Variants in CD44 observed in about 807,000 individuals in gnomAD.
The protein encoded by CD44 is CD44 molecule (IN blood group), also known as CD44 antigen.
In CD44, 49 loss-of-function variants were observed where a neutral mutation model predicts 88.8. The ratio of observed to expected loss-of-function variants is 0.55; its 90% CI spans 0.44 to 0.70. CD44 has a LOEUF of 0.70. Ranked by LOEUF, CD44 falls within the 30% of genes least tolerant of loss-of-function variation. The pLI, the probability that CD44 is intolerant of heterozygous loss-of-function variation, is 0.00. For missense variants in CD44, 883 were observed against 913.8 expected, an observed-to-expected ratio of 0.97 and a Z score of 0.43; for synonymous variants, 325 against 312.3, an observed-to-expected ratio of 1.04 and a Z score of -0.43.
intron 17 of CD44, among the ~76,000 whole-genome samples, chr11:35,226,277 C>A (rs1949683562): frequency 6.6e-6 from 1 of 152,210 alleles, no homozygotes; most frequent in East Asian, 1.9e-4. Context: ...CCCACCCACT[C>A]CCATGCACAG....
rs534519584 is a variant in CD44, at chr11:35,190,817, G to A, written c.667+752G>A. Among the ~76,000 whole-genome samples the A allele has an allele frequency of 2.0e-5, 3 of 152,286 alleles. No individual in the cohort carries two copies. In the East Asian group the frequency reaches 5.8e-4, roughly 29 times the overall value. On this transcript the variant is annotated intron_variant, in intron 5 of 17. Transcript: ENST00000428726. ...AAGAGCTCTATAATCCAGCCTGTTG[G>A]GGAATGTTCTCAATACTTACTTGGT... is the stretch of plus-strand genomic sequence containing the variant.
chr11:35,189,845 C>T lies in CD44; in HGVS notation c.447C>T (p.Asn149=). The stretch of plus-strand genomic sequence containing the variant: ...TTTTCTCTCTCCCAGCTATTGTTAA[C>T]CGTGATGGCACCCGCTATGTCCAGA... ...FDGPITITIV[N]RDGTRYVQKG... Residue 149 remains asparagine (N), a synonymous_variant, in exon 5 of 18, where the codon AAC becomes AAT. Transcript: ENST00000428726. 6.2e-7 allele frequency: 1 copy of T among 1,612,728 alleles called. No individual in the cohort carries two copies. The highest frequency in any genetic ancestry group is 8.5e-7 in the Non-Finnish European group (1 of 1,178,988).
intron 3 of CD44, among the ~76,000 whole-genome samples, chr11:35,183,124 A>C (rs557410182): frequency 1.6e-4 from 24 of 152,330 alleles, no homozygotes; most frequent in African/African-American, 5.8e-4. Flanking sequence ...GAATTAAATA[A>C]TAAAGCTAGA....
intron 1 of CD44, among the ~76,000 whole-genome samples, chr11:35,169,413 AACACACACACAC>A (rs5791036): frequency 1.1e-4 from 16 of 149,082 alleles, no homozygotes; most frequent in Admixed American, 2.7e-4. Context: ...GCCCTACCTA[AACACACACACAC>A]ACACACACAC....
At chr11:35,181,904 AT>A (rs1945102786) in intron 3 of CD44, among the ~76,000 whole-genome samples, 1 of 62,926 alleles carries the variant, frequency 1.6e-5, no homozygotes, top group Non-Finnish European at 2.7e-5. Flanking sequence ...AATATAATAT[AT>A]AATATATATT....
chr11:35,199,278 A>G (rs1947065347), intron 7 of CD44, among the ~76,000 whole-genome samples: 1 of 152,236 alleles, frequency 6.6e-6, no homozygotes, highest in Non-Finnish European at 1.5e-5. Flanking sequence ...AGAGATGGAA[A>G]TTGAGCTTTA....
At chr11:35,140,794 C>G (rs1857759118) in intron 1 of CD44, among the ~76,000 whole-genome samples, 1 of 152,060 alleles carries the variant, frequency 6.6e-6, no homozygotes, top group African/African-American at 2.4e-5. Context: ...GCTGAGGCAG[C>G]AAATTACCCA....
intron 1 of CD44, among the ~76,000 whole-genome samples, chr11:35,148,728 A>G (rs1859704836): frequency 6.6e-6 from 1 of 152,276 alleles, no homozygotes; most frequent in Non-Finnish European, 1.5e-5. Context: ...CTGAGCGGTC[A>G]GCACAGTTCC....
chr11:35,193,351 G>A (rs1051387529), intron 5 of CD44, among the ~76,000 whole-genome samples: 2 of 152,158 alleles, frequency 1.3e-5, no homozygotes, highest in Non-Finnish European at 2.9e-5. Flanking sequence ...CACAGGCTAC[G>A]GGTTGGACAA....
Position 35,139,193 on chromosome 11 carries a change from C to T in CD44, c.-111C>T. The T allele has an allele frequency of 1.3e-6, 1 of 796,780 alleles. No individual in the cohort carries two copies. The highest frequency in any genetic ancestry group is 2.1e-5 in the Admixed American group (1 of 47,086). 49.4% of individuals were successfully genotyped at this position (796,780 alleles called of 1,614,324 possible). On this transcript the variant is annotated 5_prime_UTR_variant, in exon 1 of 18. Coordinates refer to ENST00000428726, the MANE Select transcript of CD44 (RefSeq NM_000610.4). ...AGCCTCATTGCCCAGCGGACCCCAGCCTCTGCCAGGTTCGGTCCGCCATCC... is the reference window on the plus strand; with the variant it reads ...AGCCTCATTGCCCAGCGGACCCCAGTCTCTGCCAGGTTCGGTCCGCCATCC...
At chr11:35,142,262 G>C (rs548415508) in intron 1 of CD44, among the ~76,000 whole-genome samples, 1 of 152,124 alleles carries the variant, frequency 6.6e-6, no homozygotes, top group East Asian at 1.9e-4. Context: ...CAGGGATCTA[G>C]AACTAGAAAT....
rs1262062725 is a variant in CD44, at chr11:35,232,221, G to A, written c.*2888G>A. ...AAAGAATAGCCCATTGTTCATTCTT[G>A]TGCTGTACAATGACCACTGTTATTG... On this transcript the variant is annotated 3_prime_UTR_variant, in exon 18 of 18. Transcript: ENST00000428726. 2 of 152,596 alleles carry A rather than the reference G, an allele frequency of 1.3e-5. No individual in the cohort carries two copies. Among genetic ancestry groups the A allele is most frequent in the African/African-American group, 2.4e-5 (1 of 41,440 alleles). The allele number at this position is 152,596 out of a possible 1,614,324, so 9.5% of individuals were successfully genotyped here. A position where few individuals can be genotyped will look rare whatever the true frequency, so the allele number is the denominator to read the frequency against.
intron 1 of CD44, among the ~76,000 whole-genome samples, chr11:35,164,517 T>A (rs1295102402): frequency 6.6e-6 from 1 of 152,250 alleles, no homozygotes; most frequent in Non-Finnish European, 1.5e-5. Flanking sequence ...GGGCTGTGTG[T>A]TGAAGTTGGG....
Position 35,211,425 on chromosome 11 carries a change from T to C in CD44, c.1786T>C (p.Ser596Pro), listed in dbSNP as rs369050134. ...TGCAGTTACTGTTGGAGATTCCAAC[T>C]CTAATGTCAATCGTTCCTTATCAGG... ...VTAVTVGDSN[S>P]NVNRSLSGDQ... Residue 596 changes from serine to proline, a missense_variant, in exon 14 of 18, where the codon TCT (serine) becomes CCT (proline). By Grantham distance (74) the Ser-to-Pro change is moderately conservative. Around this residue, in one of 2 missense-constraint regions of CD44, gnomAD observed 631 missense variants for 590.9 expected, o/e 1.07. Transcript: ENST00000428726. 2 of 1,613,640 alleles carry C rather than the reference T, an allele frequency of 1.2e-6. No individual in the cohort carries two copies. Among genetic ancestry groups the C allele is most frequent in the Non-Finnish European group, 1.7e-6 (2 of 1,179,664 alleles).
intron 1 of CD44, among the ~76,000 whole-genome samples, chr11:35,146,267 T>C (rs1192177419): frequency 1.3e-5 from 2 of 152,174 alleles, no homozygotes; most frequent in African/African-American, 4.8e-5. Context: ...GGTCTTCAGC[T>C]TTTAAAAGTA....
At chr11:35,181,935 A>T (rs376287208) in intron 3 of CD44, among the ~76,000 whole-genome samples, 80 of 46,714 alleles carry the variant, frequency 1.7e-3, no homozygotes, top group South Asian at 4.3e-3. Context: ...ATTATATATA[A>T]ATTATATATA....
chr11:35,139,329 C>T lies in CD44; in HGVS notation c.26C>T (p.Ala9Val), dbSNP rs773178545. 1 of 1,562,334 alleles carries T rather than the reference C, an allele frequency of 6.4e-7. No individual in the cohort carries two copies. Among genetic ancestry groups the T allele is most frequent in the Non-Finnish European group, 8.7e-7 (1 of 1,152,876 alleles). MDKFWWHA[A>V]WGLCLVPLSL... is the part of the protein sequence containing the mutation. ...ATGGACAAGTTTTGGTGGCACGCAG[C>T]CTGGGGACTCTGCCTCGTGCCGCTG... is the stretch of plus-strand genomic sequence containing the variant. The change falls in exon 1 of 18, where the codon GCC becomes GTC. Residue 9 changes from alanine to valine, a missense_variant. Transcript: ENST00000428726.
rs1443730363 is a variant in CD44, at chr11:35,229,507, T to C, written c.*174T>C. The C allele has an allele frequency of 3.5e-6, 2 of 574,304 alleles. No homozygotes were observed. The highest frequency in any genetic ancestry group is 6.2e-6 in the Non-Finnish European group (2 of 324,230). The allele number at this position is 574,304 out of a possible 1,614,324, so 35.6% of individuals were successfully genotyped here. A position where few individuals can be genotyped will look rare whatever the true frequency, so the allele number is the denominator to read the frequency against. On this transcript the variant is annotated 3_prime_UTR_variant, in exon 18 of 18. Coordinates refer to ENST00000428726, the MANE Select transcript of CD44 (RefSeq NM_000610.4). ...TTTTGTTCTTTAAAGTCAGGTCCAA[T>C]TTGTAAAAACAGCATTGCTTTCTGA...
At chr11:35,220,802 T>C (rs1259927859) in intron 16 of CD44, among the ~76,000 whole-genome samples, 1 of 149,602 alleles carries the variant, frequency 6.7e-6, no homozygotes, top group Admixed American at 6.7e-5. Flanking sequence ...AGTTTTGCTT[T>C]GTTGCCCAGG....
Sources: gnomAD v4.1 joint callset for allele counts (sites outside exome capture counted in the v4.1 genomes callset) on GRCh38, gnomAD v4.1.1 for gene constraint, gnomAD v4.1.1 regional missense constraint, MANE v1.5 for transcripts, NCBI Gene and HGNC (gene_info 2026-07-23, HGNC 2026-07-21) for gene names.